Variants in NUDT16 observed in about 807,000 individuals in gnomAD.
NUDT16 encodes U8 snoRNA-decapping enzyme.
Under a neutral mutation model 11.7 loss-of-function variants are expected in NUDT16, and 12 were observed. The ratio of observed to expected loss-of-function variants is 1.03; its 90% CI spans 0.66 to 1.67. The LOEUF (loss-of-function observed/expected upper bound fraction) is 1.67. Among genes scored for constraint, NUDT16 ranks in the 40% most tolerant of loss-of-function variants. The pLI, the probability that NUDT16 is intolerant of heterozygous loss-of-function variation, is 0.00. For missense variants in NUDT16, 303 were observed against 268.9 expected (o/e 1.13, Z -0.89); for synonymous variants, 129 against 122.6 (o/e 1.05, Z -0.35).
rs1435377196 is a variant in NUDT16 at position 131,384,899 on chromosome 3, G to C, written c.*1558G>C. On this transcript the variant is annotated 3_prime_UTR_variant, in exon 3 of 3. Coordinates refer to ENST00000521288, the MANE Select transcript of NUDT16 (RefSeq NM_152395.3). Reference sequence around the variant, plus strand: ...GCTCTGAGATGGTCAGTTTAGAGTAGGATGCTGGGCACTCAGGTGTGTGTG... The same window carrying C: ...GCTCTGAGATGGTCAGTTTAGAGTACGATGCTGGGCACTCAGGTGTGTGTG... 1 of 152,244 alleles carries C rather than the reference G, an allele frequency of 6.6e-6. No individual in the cohort carries two copies. 9.4% of individuals were successfully genotyped at this position (152,244 alleles called of 1,614,324 possible).
At position 131,387,286 on chromosome 3, in the gene NUDT16, TA is replaced by T. The variant is rs1379290738; in HGVS notation, c.*3946del. 6.6e-6 allele frequency: 1 copy of T among 152,210 alleles called. No homozygotes were observed. The highest frequency in any genetic ancestry group is 6.5e-5 in the Admixed American group (1 of 15,270). 9.4% of individuals were successfully genotyped at this position (152,210 alleles called of 1,614,324 possible). On this transcript the variant is annotated 3_prime_UTR_variant, in exon 3 of 3. Coordinates refer to ENST00000521288, the MANE Select transcript of NUDT16 (RefSeq NM_152395.3). ...TGGCTTGGGCAAATGAGGCTCCCTT[TA>T]GGGGTAGAGGTACTCTACAGGGGCT...
In NUDT16 at chr3:131,381,912, C is replaced by T; in HGVS notation, c.108C>T (p.Phe36=). The change falls in exon 1 of 3, where the codon TTC becomes TTT. Residue 36 remains phenylalanine, a synonymous_variant. Transcript: ENST00000521288. Reference sequence around the variant, plus strand: ...ACGCGCCGGACCCTGGGATGCTCTTCGGCCGCATCCCGCTGCGCTACGCCA... The same window carrying T: ...ACGCGCCGGACCCTGGGATGCTCTTTGGCCGCATCCCGCTGCGCTACGCCA... ...LLYAPDPGML[F]GRIPLRYAIL... The T allele has an allele frequency of 6.2e-7, 1 of 1,611,602 alleles. No homozygotes were observed. The highest frequency in any genetic ancestry group is 8.5e-7 in the Non-Finnish European group (1 of 1,179,512).
rs1463583337 is a variant in NUDT16 at position 131,387,974 on chromosome 3, T to C, written c.*4633T>C. 6.6e-6 allele frequency: 1 copy of C among 152,154 alleles called. No individual in the cohort carries two copies. The highest frequency in any genetic ancestry group is 1.5e-5 in the Non-Finnish European group (1 of 68,034). The allele number at this position is 152,154 out of a possible 1,614,324, so 9.4% of individuals were successfully genotyped here. ...TGATAAAGACCATGCTCTGGAAGAT[T>C]CATTCCAAGGAGTAGAAGTGGTATT... On this transcript the variant is annotated 3_prime_UTR_variant, in exon 3 of 3. Coordinates refer to ENST00000521288, the MANE Select transcript of NUDT16 (RefSeq NM_152395.3).
At chr3:131,381,740 T>C (rs553551658), upstream of NUDT16, 2 of 1,508,824 alleles carry the variant, frequency 1.3e-6, no homozygotes, top group East Asian at 2.5e-5. Flanking sequence ...CTCGGATTGG[T>C]CCGAGGTGAG....
At position 131,383,005 on chromosome 3, in the gene NUDT16, G is replaced by A. The variant is rs1347438843; in HGVS notation, c.409-157G>A. ...ATAATATGTTTTGGGTCATTTTCCT[G>A]CAGAAGGTTGGGCCACTAGGCTTTA... On this transcript the variant is annotated intron_variant, in intron 2 of 2. Coordinates refer to ENST00000521288, the MANE Select transcript of NUDT16 (RefSeq NM_152395.3). The surrounding 1 kb of genome is among the most constrained non-coding windows in gnomAD (Gnocchi z 4.4). 3.3e-5 allele frequency: 26 copies of A among 788,346 alleles called. No homozygotes were observed. Among genetic ancestry groups the A allele is most frequent in the South Asian group, 3.6e-5 (2 of 55,240 alleles). The allele number at this position is 788,346 out of a possible 1,614,324, so 48.8% of individuals were successfully genotyped here.
At position 131,383,040 on chromosome 3, in the gene NUDT16, G is replaced by A; in HGVS notation, c.409-122G>A. ...GGGCCACTAGGCTTTAGTGAGGTGT[G>A]AGCCTTGGGCCTGGTTCTGCTGGAG... On this transcript the variant is annotated intron_variant, in intron 2 of 2. Transcript: ENST00000521288. This position sits in a 1 kb window ranked among gnomAD's most constrained non-coding sequence, Gnocchi z 4.4. 2 of 1,100,060 alleles carry A rather than the reference G, an allele frequency of 1.8e-6. No homozygotes were observed. Among genetic ancestry groups the A allele is most frequent in the South Asian group, 3.1e-5 (2 of 65,180 alleles). 68.1% of individuals were successfully genotyped at this position (1,100,060 alleles called of 1,614,324 possible). A position where few individuals can be genotyped will look rare whatever the true frequency, so the allele number is the denominator to read the frequency against.
In NUDT16 at chr3:131,388,527, G is replaced by A. The variant is rs998255502; in HGVS notation, c.*5186G>A. The A allele has an allele frequency of 2.0e-5, 3 of 152,230 alleles. No individual in the cohort carries two copies. 9.4% of individuals were successfully genotyped at this position (152,230 alleles called of 1,614,324 possible). A position where few individuals can be genotyped will look rare whatever the true frequency, so the allele number is the denominator to read the frequency against. ...TCACTTACTACAGCACAAATTGCATGTCTATCTAAATTGACGTTTAAGTGC... is the reference window on the plus strand; with the variant it reads ...TCACTTACTACAGCACAAATTGCATATCTATCTAAATTGACGTTTAAGTGC... On this transcript the variant is annotated 3_prime_UTR_variant, in exon 3 of 3. Coordinates refer to ENST00000521288, the MANE Select transcript of NUDT16 (RefSeq NM_152395.3).
In NUDT16 at chr3:131,386,110, GGAA is replaced by G. The variant is rs946660856; in HGVS notation, c.*2772_*2774del. 6.2e-4 allele frequency: 95 copies of G among 152,240 alleles called. No homozygotes were observed. The highest frequency in any genetic ancestry group is 2.1e-3 in the African/African-American group (89 of 41,512). The allele number at this position is 152,240 out of a possible 1,614,324, so 9.4% of individuals were successfully genotyped here. A position where few individuals can be genotyped will look rare whatever the true frequency, so the allele number is the denominator to read the frequency against. ...TAGGTCTCTGGAGATGGTTGCGTGG[GGAA>G]GAGCCCATGACTTTCCTATATGATC... is the stretch of plus-strand genomic sequence containing the variant. On this transcript the variant is annotated 3_prime_UTR_variant, in exon 3 of 3. Coordinates refer to ENST00000521288, the MANE Select transcript of NUDT16 (RefSeq NM_152395.3).
Position 131,385,761 on chromosome 3 carries a change from G to C in NUDT16, c.*2420G>C, listed in dbSNP as rs1397310941. ...CAGTATAGGCAGGCTGCAGGAAATGGACATTCCAGTGGCCCCTGGGGTTCC... is the reference window on the plus strand; with the variant it reads ...CAGTATAGGCAGGCTGCAGGAAATGCACATTCCAGTGGCCCCTGGGGTTCC... On this transcript the variant is annotated 3_prime_UTR_variant, in exon 3 of 3. Coordinates refer to ENST00000521288, the MANE Select transcript of NUDT16 (RefSeq NM_152395.3). 1 of 152,250 alleles carries C rather than the reference G, an allele frequency of 6.6e-6. No homozygotes were observed. Among genetic ancestry groups the C allele is most frequent in the Non-Finnish European group, 1.5e-5 (1 of 68,066 alleles). 9.4% of individuals were successfully genotyped at this position (152,250 alleles called of 1,614,324 possible).
chr3:131,382,146 A>T lies in NUDT16; in HGVS notation c.239A>T (p.Glu80Val), dbSNP rs768597254. The T allele has an allele frequency of 6.2e-7, 1 of 1,611,818 alleles. No homozygotes were observed. The highest frequency in any genetic ancestry group is 8.5e-7 in the Non-Finnish European group (1 of 1,179,354). ...GGGCTGAACCGCGAGCTGCGCGAGG[A>T]GCTGGGCGAAGCGGCTGCCGCTTTC... ...EDGLNRELRE[E>V]LGEAAAAFRV... Residue 80 changes from glutamate to valine, a missense_variant, in exon 2 of 3, where the codon GAG becomes GTG. Glu to Val is a moderately radical substitution (Grantham distance 121). Transcript: ENST00000521288.
At chr3:131,381,692 T>A, upstream of NUDT16, 1 of 1,213,196 alleles carries the variant, frequency 8.2e-7, no homozygotes, top group Non-Finnish European at 1.1e-6. Context: ...TTCCTCCCCT[T>A]ATCCCTGCAG....
Position 131,383,244 on chromosome 3 carries a change from T to C in NUDT16, c.491T>C (p.Ile164Thr). ...CCTACCTTCCTGGAGAATTCCTTTA[T>C]TGGCTCTGCGCGGGAGCAGTTACTT... ...GLPTFLENSF[I>T]GSAREQLLEA... The change falls in exon 3 of 3, where the codon ATT (isoleucine) becomes ACT (threonine). Residue 164 changes from isoleucine (I) to threonine (T), a missense_variant. Transcript: ENST00000521288. This position sits in a 1 kb window ranked among gnomAD's most constrained non-coding sequence, Gnocchi z 4.4. The C allele has an allele frequency of 6.2e-7, 1 of 1,614,170 alleles. No individual in the cohort carries two copies. Among genetic ancestry groups the C allele is most frequent in the Middle Eastern group, 1.7e-4 (1 of 6,060 alleles).
chr3:131,381,872 G>A lies in NUDT16; in HGVS notation c.68G>A (p.Cys23Tyr). 6.2e-7 allele frequency: 1 copy of A among 1,607,168 alleles called. No individual in the cohort carries two copies. Among genetic ancestry groups the A allele is most frequent in the Admixed American group, 1.7e-5 (1 of 59,940 alleles). Residue 23 changes from cysteine to tyrosine, a missense_variant, in exon 1 of 3, where the codon TGC (cysteine) becomes TAC (tyrosine). Coordinates refer to ENST00000521288, the MANE Select transcript of NUDT16 (RefSeq NM_152395.3). The stretch of plus-strand genomic sequence containing the variant: ...CTGGGGTCGGGCTGGCGTCATGCGT[G>A]CCACGCTCTCCTCTACGCGCCGGAC... ...LALGSGWRHA[C>Y]HALLYAPDPG...
At position 131,383,235 on chromosome 3, in the gene NUDT16, AT is replaced by A; in HGVS notation, c.484del (p.Ser162ProfsTer45). On this transcript the variant is annotated frameshift_variant, in exon 3 of 3. Transcript: ENST00000521288. LOFTEE classifies it low-confidence loss of function (END_TRUNC). This position sits in a 1 kb window ranked among gnomAD's most constrained non-coding sequence, Gnocchi z 4.4. ...GGAGGCCTGCCTACCTTCCTGGAGA[AT>A]TCCTTTATTGGCTCTGCGCGGGAGC... ...GVGGLPTFLE[N>X]SFIGSAREQL... 1 of 1,614,098 alleles carries A rather than the reference AT, an allele frequency of 6.2e-7. No individual in the cohort carries two copies. The highest frequency in any genetic ancestry group is 1.1e-5 in the South Asian group (1 of 91,080).
chr3:131,382,964 T>A (rs1284039607), intron 2 of NUDT16, 198 bp from the exon 3 acceptor site: 1 of 636,730 alleles, frequency 1.6e-6, no homozygotes, highest in African/African-American at 1.8e-5. Flanking sequence ...TGGGAAAGAT[T>A]AATTGATAGA....
chr3:131,382,385 A>G, intron 2 of NUDT16, 70 bp downstream of exon 2: 1 of 1,595,558 alleles, frequency 6.3e-7, no homozygotes, highest in Non-Finnish European at 8.5e-7. Flanking sequence ...TCCCCCAAGA[A>G]AGCATCCCTG....
In NUDT16 at chr3:131,383,036, G is replaced by T; in HGVS notation, c.409-126G>T. 1 of 1,034,596 alleles carries T rather than the reference G, an allele frequency of 9.7e-7. No homozygotes were observed. The highest frequency in any genetic ancestry group is 1.6e-5 in the South Asian group (1 of 63,820). 64.1% of individuals were successfully genotyped at this position (1,034,596 alleles called of 1,614,324 possible). A position where few individuals can be genotyped will look rare whatever the true frequency, so the allele number is the denominator to read the frequency against. ...GGTTGGGCCACTAGGCTTTAGTGAG[G>T]TGTGAGCCTTGGGCCTGGTTCTGCT... On this transcript the variant is annotated intron_variant, in intron 2 of 2. Transcript: ENST00000521288. This position sits in a 1 kb window ranked among gnomAD's most constrained non-coding sequence, Gnocchi z 4.4.
Position 131,384,537 on chromosome 3 carries a change from T to C in NUDT16, c.*1196T>C, listed in dbSNP as rs1696696810. 6.6e-6 allele frequency: 1 copy of C among 152,084 alleles called. No individual in the cohort carries two copies. The highest frequency in any genetic ancestry group is 2.4e-5 in the African/African-American group (1 of 41,352). 9.4% of individuals were successfully genotyped at this position (152,084 alleles called of 1,614,324 possible). A position where few individuals can be genotyped will look rare whatever the true frequency, so the allele number is the denominator to read the frequency against. On this transcript the variant is annotated 3_prime_UTR_variant, in exon 3 of 3. Coordinates refer to ENST00000521288, the MANE Select transcript of NUDT16 (RefSeq NM_152395.3). ...CCAATATTGATGGCAACAGTCAAGATGGTGTGATGAGAGAGATGGGAGGGG... is the reference window on the plus strand; with the variant it reads ...CCAATATTGATGGCAACAGTCAAGACGGTGTGATGAGAGAGATGGGAGGGG...
At position 131,384,061 on chromosome 3, in the gene NUDT16, A is replaced by G. The variant is rs1016322051; in HGVS notation, c.*720A>G. 1.3e-5 allele frequency: 2 copies of G among 152,926 alleles called. No individual in the cohort carries two copies. The highest frequency in any genetic ancestry group is 4.8e-5 in the African/African-American group (2 of 41,430). 9.5% of individuals were successfully genotyped at this position (152,926 alleles called of 1,614,324 possible). On this transcript the variant is annotated 3_prime_UTR_variant, in exon 3 of 3. Transcript: ENST00000521288. ...TTGGGATGCCTGAGACTCCGAGACT[A>G]TCAGAAGGGAATTGACCCACCCCAG...
Sources: gnomAD v4.1 joint callset for allele counts on GRCh38, gnomAD v4.1.1 for gene constraint, Gnocchi (gnomAD v3.1) non-coding constraint, MANE v1.5 for transcripts, NCBI Gene and HGNC (gene_info 2026-07-23, HGNC 2026-07-21) for gene names.